GPC6: variants seen among roughly 807,000 people sequenced by gnomAD.
GPC6 encodes glypican 6, also known as glypican-6.
Under a neutral mutation model 55.2 loss-of-function variants are expected in GPC6, and 14 were observed. That is an observed-to-expected ratio of 0.25 (90% confidence interval 0.17 to 0.40). The LOEUF is 0.40. Among genes scored for constraint, GPC6 ranks in the 10% least tolerant of loss-of-function variants. The pLI, the probability that GPC6 is intolerant of heterozygous loss-of-function variation, is 1.00. For missense variants in GPC6, 641 were observed against 708.5 expected (o/e 0.90, Z 1.08); for synonymous variants, 278 against 259.6 (o/e 1.07, Z -0.68).
chr13:94,081,701 G>A (rs942306435), intron 4 of GPC6, among the ~76,000 whole-genome samples: 3 of 152,138 alleles, frequency 2.0e-5, no homozygotes, highest in African/African-American at 7.2e-5. Context: ...TACTCAGGTT[G>A]CAAAGCCCAA....
chr13:94,032,429 G>A (rs1267675748), intron 4 of GPC6, among the ~76,000 whole-genome samples: 1 of 152,170 alleles, frequency 6.6e-6, no homozygotes, highest in African/African-American at 2.4e-5. Context: ...AATTGGCATT[G>A]TCAAACATAA....
chr13:93,319,592 GAA>G (rs1395860656), intron 1 of GPC6, among the ~76,000 whole-genome samples: 12 of 152,030 alleles, frequency 7.9e-5, no homozygotes. Context: ...GTGTATCCTA[GAA>G]AATAGAACAA....
intron 6 of GPC6, among the ~76,000 whole-genome samples, chr13:94,363,327 C>G (rs943240969): frequency 5.9e-5 from 9 of 152,132 alleles, no homozygotes; most frequent in African/African-American, 2.2e-4. Flanking sequence ...CTGGATGGAA[C>G]ATGTTCCCAT....
chr13:94,057,256 C>T (rs1884162491), intron 4 of GPC6, among the ~76,000 whole-genome samples: 2 of 152,110 alleles, frequency 1.3e-5, no homozygotes, highest in South Asian at 4.1e-4. Context: ...AAATACCAGC[C>T]TACTGTTGCT....
At chr13:94,219,496 G>A (rs748676595) in intron 4 of GPC6, among the ~76,000 whole-genome samples, 30 of 152,054 alleles carry the variant, frequency 2.0e-4, no homozygotes, top group Non-Finnish European at 3.5e-4. Context: ...CACATTATCT[G>A]AACTCACAAA....
At chr13:93,446,164 C>T (rs1566361663) in intron 1 of GPC6, among the ~76,000 whole-genome samples, 1 of 152,002 alleles carries the variant, frequency 6.6e-6, no homozygotes. Context: ...AAGGTTAAAC[C>T]TTCCAAGGTC....
At chr13:93,354,799 C>G (rs994540266) in intron 1 of GPC6, among the ~76,000 whole-genome samples, 1 of 152,072 alleles carries the variant, frequency 6.6e-6, no homozygotes, top group African/African-American at 2.4e-5. Context: ...TCCAGCTGTG[C>G]GTGGACAGAG....
intron 3 of GPC6, among the ~76,000 whole-genome samples, chr13:93,911,972 G>A (rs189413899): frequency 7.2e-5 from 11 of 152,288 alleles, no homozygotes; most frequent in Non-Finnish European, 1.3e-4. Flanking sequence ...AATTGAGGGA[G>A]TGATGGGAGA....
chr13:93,939,647 A>G (rs1878624411), intron 3 of GPC6, among the ~76,000 whole-genome samples: 1 of 152,074 alleles, frequency 6.6e-6, no homozygotes. Flanking sequence ...TGGGGGTCAC[A>G]CTATGTTGCC....
chr13:93,264,883 C>T (rs1877273118), intron 1 of GPC6, among the ~76,000 whole-genome samples: 1 of 151,932 alleles, frequency 6.6e-6, no homozygotes, highest in Non-Finnish European at 1.5e-5. Context: ...ATGTGGAACC[C>T]ATGGATAGAG....
chr13:94,277,677 T>G (rs1892255776), intron 4 of GPC6, among the ~76,000 whole-genome samples: 1 of 152,246 alleles, frequency 6.6e-6, no homozygotes, highest in Non-Finnish European at 1.5e-5. Flanking sequence ...GCACCATTTA[T>G]TAAATAAGAA....
intron 3 of GPC6, among the ~76,000 whole-genome samples, chr13:94,021,807 A>G (rs945845895): frequency 6.6e-6 from 1 of 152,122 alleles, no homozygotes; most frequent in South Asian, 2.1e-4. Context: ...AAAATTAAAA[A>G]ATAACTAAAT....
At chr13:94,360,231 G>A (rs1394690604) in intron 6 of GPC6, among the ~76,000 whole-genome samples, 2 of 152,092 alleles carry the variant, frequency 1.3e-5, no homozygotes, top group African/African-American at 4.8e-5. Context: ...TAGAGAAATG[G>A]CATAAGTTTT....
In GPC6 at chr13:94,059,082, G is replaced by GT. The variant is rs559810366; in HGVS notation, c.877+31199dup. 6.0e-3 allele frequency among the ~76,000 whole-genome samples: 871 copies of GT among 146,216 alleles called. 6 individuals carry two copies. The highest frequency in any genetic ancestry group is 8.1e-3 in the Non-Finnish European group (535 of 65,996). On this transcript the variant is annotated intron_variant, in intron 4 of 8. Coordinates refer to ENST00000377047, the MANE Select transcript of GPC6 (RefSeq NM_005708.5). ...AAGAGCTTTACATTTTATTTATAGA[G>GT]TTTTTTTTTTTAAGAAGGCAAAATC...
chr13:94,322,028 T>C (rs1462870924), intron 6 of GPC6, among the ~76,000 whole-genome samples: 1 of 152,148 alleles, frequency 6.6e-6, no homozygotes, highest in Non-Finnish European at 1.5e-5. Flanking sequence ...CCAACTGATA[T>C]GGTTTTGCTG....
chr13:93,332,532 C>A (rs1575524), intron 1 of GPC6, among the ~76,000 whole-genome samples: 1 of 152,150 alleles, frequency 6.6e-6, no homozygotes, highest in Non-Finnish European at 1.5e-5. Context: ...CTGTTCTGAT[C>A]ATTTGCCCAT....
chr13:94,302,991 G>C (rs553469215), intron 5 of GPC6, among the ~76,000 whole-genome samples: 1 of 152,328 alleles, frequency 6.6e-6, no homozygotes, highest in African/African-American at 2.4e-5. Context: ...CATCTGGAGC[G>C]GCAAGGGGCA....
intron 1 of GPC6, among the ~76,000 whole-genome samples, chr13:93,437,690 C>G (rs1240553915): frequency 2.0e-5 from 3 of 152,152 alleles, no homozygotes; most frequent in African/African-American, 7.2e-5. Flanking sequence ...GAAGCCATCT[C>G]CATGACATCA....
intron 3 of GPC6, among the ~76,000 whole-genome samples, chr13:94,007,525 A>G (rs975333042): frequency 6.6e-6 from 1 of 152,074 alleles, no homozygotes. Context: ...AAGAGAAGAG[A>G]CCTCGGGAAT....
Sources: allele counts gnomAD v4.1 joint callset (sites outside exome capture counted in the v4.1 genomes callset), GRCh38; gene constraint gnomAD v4.1.1; transcripts MANE v1.5; gene names NCBI Gene and HGNC (gene_info 2026-07-23, HGNC 2026-07-21).